RNF17: variants seen among roughly 807,000 people sequenced by gnomAD.
The protein encoded by RNF17 is spermatogenesis associated 23.
A neutral mutation model predicts 200.5 loss-of-function variants in RNF17; 31 were observed. The observed-to-expected ratio is 0.15, with a 90% confidence interval of 0.12 to 0.21. The LOEUF (loss-of-function observed/expected upper bound fraction) is 0.21. Ranked by LOEUF, RNF17 falls within the 10% of genes least tolerant of loss-of-function variation. The pLI, the probability that RNF17 is intolerant of heterozygous loss-of-function variation, is 1.00. For missense variants in RNF17, 1,628 were observed against 1,905.1 expected, an observed-to-expected ratio of 0.85 and a Z score of 2.71; for synonymous variants, 606 against 637.8, an observed-to-expected ratio of 0.95 and a Z score of 0.75.
chr13:24,816,931 C>CG (rs528089270), intron 15 of RNF17, among the ~76,000 whole-genome samples: 30 of 152,150 alleles, frequency 2.0e-4, no homozygotes, highest in Non-Finnish European at 2.8e-4. Flanking sequence ...AGAGCCTTGT[C>CG]GGGGCAGAGC....
At chr13:24,851,082 A>G (rs1301567981) in intron 23 of RNF17, among the ~76,000 whole-genome samples, 1 of 151,622 alleles carries the variant, frequency 6.6e-6, no homozygotes, top group Non-Finnish European at 1.5e-5. Flanking sequence ...GCAATCTCCG[A>G]CTCCCAGGTT....
In RNF17 at chr13:24,840,660, C is replaced by T. The variant is rs553591005; in HGVS notation, c.2483-1381C>T. On this transcript the variant is annotated intron_variant, in intron 18 of 35. Coordinates refer to ENST00000255324, the MANE Select transcript of RNF17 (RefSeq NM_031277.3). ...GTGAAATAACTCAGGAATGGAAAAC[C>T]AATCATCGTATGTTCTCACTGATAT... is the stretch of plus-strand genomic sequence containing the variant. Among the ~76,000 whole-genome samples, 82 of 151,774 alleles carry T rather than the reference C, an allele frequency of 5.4e-4. 1 individual carries two copies. Among genetic ancestry groups the T allele is most frequent in the African/African-American group, 2.0e-3 (81 of 41,380 alleles).
chr13:24,883,364 C>CCAT (rs751653659), downstream of RNF17: 7 of 1,597,296 alleles, frequency 4.4e-6, no homozygotes, highest in Non-Finnish European at 6.0e-6. Flanking sequence ...GAGTTTGTTG[C>CCAT]CATCACTGTA....
intron 15 of RNF17, among the ~76,000 whole-genome samples, chr13:24,819,677 A>G (rs541040852): frequency 6.6e-6 from 1 of 152,350 alleles, no homozygotes; most frequent in African/African-American, 2.4e-5. Context: ...TGATGTCACA[A>G]ATTAATCTCT....
At chr13:24,883,814 A>G (rs1300050283), downstream of RNF17, 1 of 852,938 alleles carries the variant, frequency 1.2e-6, no homozygotes, top group African/African-American at 1.7e-5. Context: ...CATCAAGTTG[A>G]CTGACATGCC....
At chr13:24,885,529 A>C in the RNF17 span, 1 of 1,270,368 alleles carries the variant, frequency 7.9e-7, no homozygotes, top group Non-Finnish European at 1.2e-6. Flanking sequence ...GTGGTTTAGA[A>C]ACGTTAAGTC....
chr13:24,818,611 G>A (rs911023458), intron 15 of RNF17, among the ~76,000 whole-genome samples: 1 of 151,996 alleles, frequency 6.6e-6, no homozygotes, highest in African/African-American at 2.4e-5. Context: ...CTGGTGAATT[G>A]GCCTTTTTAT....
chr13:24,847,298 A>T (rs1353501582), intron 22 of RNF17, among the ~76,000 whole-genome samples: 1 of 151,918 alleles, frequency 6.6e-6, no homozygotes, highest in African/African-American at 2.4e-5. Context: ...TAAATCTAAC[A>T]TTGGTTTGAT....
chr13:24,888,034 C>T, the RNF17 span, among the ~76,000 whole-genome samples: 2 of 152,080 alleles, frequency 1.3e-5, no homozygotes, highest in Non-Finnish European at 2.9e-5. Flanking sequence ...GGTGGTAACC[C>T]GAGTATTTGC....
intron 30 of RNF17, among the ~76,000 whole-genome samples, chr13:24,867,087 A>G (rs73467287): frequency 0.02 from 3,052 of 152,224 alleles, 104 homozygotes; most frequent in African/African-American, 0.07. Flanking sequence ...CTTCAAATCT[A>G]TTTGAGTTAT....
intron 2 of RNF17, among the ~76,000 whole-genome samples, chr13:24,770,203 T>C (rs979434573): frequency 6.6e-6 from 1 of 152,168 alleles, no homozygotes; most frequent in Non-Finnish European, 1.5e-5. Flanking sequence ...TAGGAAAGCA[T>C]TGATAAGCAT....
At chr13:24,751,160 C>G in the RNF17 span, 1 of 152,078 alleles carries the variant, frequency 6.6e-6, no homozygotes, top group Non-Finnish European at 1.5e-5. Flanking sequence ...TCTTTTGACG[C>G]TTTCTTCGCA....
At chr13:24,851,642 G>T in intron 24 of RNF17, 71 bp downstream of exon 24, 1 of 889,534 alleles carries the variant, frequency 1.1e-6, no homozygotes, top group Non-Finnish European at 1.8e-6. Flanking sequence ...CAAATCTTAT[G>T]TGTGCTTTCA....
intron 32 of RNF17, among the ~76,000 whole-genome samples, chr13:24,871,958 C>CTTTTT (rs60797153): frequency 4.2e-5 from 3 of 71,730 alleles, no homozygotes; most frequent in African/African-American, 5.5e-5. Context: ...TTATTGATGA[C>CTTTTT]TTTTTTTTTT....
At chr13:24,791,495 G>A (rs1041643720) in intron 9 of RNF17, among the ~76,000 whole-genome samples, 2 of 152,268 alleles carry the variant, frequency 1.3e-5, no homozygotes, top group East Asian at 3.9e-4. Flanking sequence ...CAGCTTTCTG[G>A]AGAGAAATGT....
chr13:24,888,340 G>A, the RNF17 span, among the ~76,000 whole-genome samples: 22 of 152,108 alleles, frequency 1.4e-4, no homozygotes, highest in Admixed American at 2.0e-4. Context: ...GGATTACTAT[G>A]CGGAATATTT....
At chr13:24,753,731 G>C in the RNF17 span, among the ~76,000 whole-genome samples, 2 of 152,218 alleles carry the variant, frequency 1.3e-5, no homozygotes, top group Non-Finnish European at 2.9e-5. Flanking sequence ...AATCAATATA[G>C]AGGATCTTGT....
intron 16 of RNF17, chr13:24,826,134 G>A: frequency 4.1e-6 from 4 of 965,762 alleles, no homozygotes; most frequent in Non-Finnish European, 4.9e-6. Context: ...TGTCCTCTCT[G>A]CTTCCCTTCA....
At chr13:24,883,976 C>T (rs1310491060), downstream of RNF17, 1 of 1,614,146 alleles carries the variant, frequency 6.2e-7, no homozygotes, top group Admixed American at 1.7e-5. Flanking sequence ...TGTACTCTGA[C>T]AATTGTACCA....
Sources: gnomAD v4.1 joint callset for allele counts (sites outside exome capture counted in the v4.1 genomes callset) on GRCh38, gnomAD v4.1.1 for gene constraint, MANE v1.5 for transcripts, NCBI Gene and HGNC (gene_info 2026-07-23, HGNC 2026-07-21) for gene names.